DIS3L: variants seen among roughly 807,000 people sequenced by gnomAD.
DIS3L encodes DIS3-like exonuclease 1.
Under a neutral mutation model 120.3 loss-of-function variants are expected in DIS3L, and 100 were observed. The ratio of observed to expected loss-of-function variants is 0.83; its 90% CI spans 0.71 to 0.98. The LOEUF (loss-of-function observed/expected upper bound fraction) is 0.98. Among genes scored for constraint, DIS3L ranks in the 50% least tolerant of loss-of-function variants. DIS3L has a pLI of 0.00. For missense variants in DIS3L, 1,196 were observed against 1,314.2 expected (o/e 0.91, Z 1.39); for synonymous variants, 426 against 470.6 (o/e 0.91, Z 1.23).
intron 6 of DIS3L, 196 bp from the exon 7 acceptor site, chr15:66,314,840 C>T: frequency 1.9e-6 from 1 of 524,226 alleles, no homozygotes; most frequent in Non-Finnish European, 3.3e-6. Context: ...TATGAAATCT[C>T]AATATACAGT....
chr15:66,300,861 A>T (rs1409052181), intron 2 of DIS3L, among the ~76,000 whole-genome samples: 1 of 152,250 alleles, frequency 6.6e-6, no homozygotes. Flanking sequence ...AGTCGTTCAG[A>T]TGGCCCCAAA....
intron 12 of DIS3L, 104 bp from the exon 13 acceptor site, chr15:66,328,866 G>A (rs2092965683): frequency 2.2e-6 from 3 of 1,383,418 alleles, no homozygotes; most frequent in Non-Finnish European, 2.9e-6. Context: ...CAAATTTACT[G>A]GCAGATGAAG....
intron 8 of DIS3L, among the ~76,000 whole-genome samples, chr15:66,319,752 C>T (rs2092860065): frequency 6.6e-6 from 1 of 152,018 alleles, no homozygotes; most frequent in African/African-American, 2.4e-5. Context: ...CCATGGTTTG[C>T]TGGAATTTTG....
Position 66,326,358 on chromosome 15 carries a change from A to G in DIS3L, c.2195A>G (p.Asp732Gly). The G allele has an allele frequency of 6.2e-7, 1 of 1,613,652 alleles. No individual in the cohort carries two copies. Among genetic ancestry groups the G allele is most frequent in the Non-Finnish European group, 8.5e-7 (1 of 1,179,774 alleles). The stretch of plus-strand genomic sequence containing the variant: ...GCTAAAGCCAAAGGCTTCTTCATAG[A>G]TACACGGTATTCCTCTTTTGAGGGG... ...ECAKAKGFFI[D>G]TRSNKTLADS... The change falls in exon 12 of 17, where the codon GAT (aspartate) becomes GGT (glycine). Residue 732 changes from aspartate (D) to glycine (G), a missense_variant. Asp to Gly is a moderately conservative substitution (Grantham distance 94). Coordinates refer to ENST00000319212, the MANE Select transcript of DIS3L (RefSeq NM_001143688.3).
Position 66,309,094 on chromosome 15 carries a change from A to AAAAAAAAAAAAAATATATATAT in DIS3L, c.558+251_558+252insAAAAAAAAAAAATATATATATA. On this transcript the variant is annotated intron_variant, in intron 4 of 16. Transcript: ENST00000319212. ...CTTGTCTCTACAGAAAAAAAAAAAA[A>AAAAAAAAAAAAAATATATATAT]ATATATATATCTCCAAGCATGGTGG... Among the ~76,000 whole-genome samples the AAAAAAAAAAAAAATATATATAT allele has an allele frequency of 7.8e-4, 12 of 15,314 alleles. 1 individual carries two copies. The highest frequency in any genetic ancestry group is 1.6e-3 in the African/African-American group (8 of 5,124). 10.0% of individuals were successfully genotyped at this position (15,314 alleles called of 152,430 possible). A position where few individuals can be genotyped will look rare whatever the true frequency, so the allele number is the denominator to read the frequency against.
chr15:66,329,787 C>T, intron 14 of DIS3L: 1 of 929,706 alleles, frequency 1.1e-6, no homozygotes, highest in Non-Finnish European at 1.3e-6. Flanking sequence ...TGGCACGCGC[C>T]TGTAGTCCCA....
chr15:66,327,991 G>A (rs985689726), intron 12 of DIS3L, among the ~76,000 whole-genome samples: 26 of 152,328 alleles, frequency 1.7e-4, no homozygotes, highest in African/African-American at 5.5e-4. Context: ...GGCAGAAGTT[G>A]CAGTGAGCCA....
chr15:66,313,284 G>A (rs1259012238), intron 5 of DIS3L, among the ~76,000 whole-genome samples: 6 of 151,870 alleles, frequency 4.0e-5, no homozygotes, highest in Non-Finnish European at 7.4e-5. Flanking sequence ...GTGAGCCACC[G>A]TGCCTAGCCC....
At position 66,295,061 on chromosome 15, in the gene DIS3L, G is replaced by A. The variant is rs375124003; in HGVS notation, c.213G>A (p.Glu71=). 6.2e-7 allele frequency: 1 copy of A among 1,614,102 alleles called. No individual in the cohort carries two copies. ...GGAAAGTTGTTCAAGATTATCTTGAGATCCTTGAGTTTCCTGAGTTGAAGG... is the reference window on the plus strand; with the variant it reads ...GGAAAGTTGTTCAAGATTATCTTGAAATCCTTGAGTTTCCTGAGTTGAAGG... The part of the protein sequence containing the change: ...PDWKVVQDYL[E]ILEFPELKGI... Residue 71 remains glutamate, a synonymous_variant, in exon 2 of 17, where the codon GAG becomes GAA. Transcript: ENST00000319212.
At chr15:66,325,774 A>G in intron 11 of DIS3L, 57 bp from the exon 12 acceptor site, 5 of 1,537,146 alleles carry the variant, frequency 3.3e-6, no homozygotes, top group Admixed American at 2.1e-5. Flanking sequence ...AAAACAAAAA[A>G]CAAAAAAAGC....
chr15:66,301,435 C>T (rs1566935918), intron 2 of DIS3L, among the ~76,000 whole-genome samples: 1 of 151,994 alleles, frequency 6.6e-6, no homozygotes, highest in Non-Finnish European at 1.5e-5. Flanking sequence ...CACCCACCAT[C>T]ATGCCTCGCT....
intron 4 of DIS3L, among the ~76,000 whole-genome samples, chr15:66,309,571 C>G (rs1348611859): frequency 1.3e-5 from 2 of 152,008 alleles, no homozygotes; most frequent in Admixed American, 1.3e-4. Flanking sequence ...TTGCAACAAC[C>G]CTATGAGGTA....
chr15:66,293,712 C>A lies in DIS3L; in HGVS notation c.116C>A (p.Pro39Gln). The change falls in exon 1 of 17, where the codon CCG becomes CAG. Residue 39 changes from proline to glutamine, a missense_variant. By Grantham distance (76) the Pro-to-Gln change is moderately conservative. Transcript: ENST00000319212. The part of the protein sequence containing the change: ...PCVPCHSPLC[P>Q]QPAACSHDGK... ...GTGCCCTGCCACAGCCCGCTCTGCCCGCAGCCCGCCGCCTGCAGCCACGGT... is the reference window on the plus strand; with the variant it reads ...GTGCCCTGCCACAGCCCGCTCTGCCAGCAGCCCGCCGCCTGCAGCCACGGT... 3 of 1,324,776 alleles carry A rather than the reference C, an allele frequency of 2.3e-6. No homozygotes were observed. The highest frequency in any genetic ancestry group is 2.9e-6 in the Non-Finnish European group (3 of 1,031,906). 82.1% of individuals were successfully genotyped at this position (1,324,776 alleles called of 1,614,324 possible). A position where few individuals can be genotyped will look rare whatever the true frequency, so the allele number is the denominator to read the frequency against.
intron 4 of DIS3L, among the ~76,000 whole-genome samples, chr15:66,309,112 C>G (rs1254203473): frequency 1.6e-4 from 5 of 31,328 alleles, no homozygotes; most frequent in African/African-American, 5.6e-4. Context: ...TATCTCCAAG[C>G]ATGGTGGCAC....
At chr15:66,328,729 A>C (rs972993000) in intron 12 of DIS3L, among the ~76,000 whole-genome samples, 93 of 152,236 alleles carry the variant, frequency 6.1e-4, no homozygotes, top group African/African-American at 2.2e-3. Context: ...CCTAGTATTA[A>C]AATCAGTACA....
chr15:66,301,124 T>G (rs984888670), intron 2 of DIS3L, among the ~76,000 whole-genome samples: 1 of 152,072 alleles, frequency 6.6e-6, no homozygotes, highest in Non-Finnish European at 1.5e-5. Context: ...AGGTCACCAC[T>G]GAATAAAAAT....
intron 2 of DIS3L, among the ~76,000 whole-genome samples, chr15:66,297,276 CTT>C (rs1046394995): frequency 1.3e-4 from 20 of 152,252 alleles, no homozygotes; most frequent in African/African-American, 4.8e-4. Flanking sequence ...AGTTATTTGA[CTT>C]TTTTTAATTG....
intron 3 of DIS3L, among the ~76,000 whole-genome samples, chr15:66,307,976 C>T (rs73483629): frequency 1.1e-3 from 171 of 152,164 alleles, no homozygotes; most frequent in African/African-American, 3.8e-3. Context: ...AGTTCGAGAC[C>T]GGCCTGGATA....
At chr15:66,308,674 C>A (rs376635429) in intron 3 of DIS3L, 35 bp from the exon 4 acceptor site, 7 of 1,591,104 alleles carry the variant, frequency 4.4e-6, no homozygotes, top group East Asian at 4.5e-5. Flanking sequence ...TGTTTGTCTG[C>A]CTGGGGAGAG....
Sources: gnomAD v4.1 joint callset for allele counts (sites outside exome capture counted in the v4.1 genomes callset) on GRCh38, gnomAD v4.1.1 for gene constraint, MANE v1.5 for transcripts, NCBI Gene and HGNC (gene_info 2026-07-23, HGNC 2026-07-21) for gene names.